USP54: variants seen among roughly 807,000 people sequenced by gnomAD.
USP54 encodes ubiquitin specific peptidase 54.
USP54 carries 87 observed loss-of-function variants against 170.5 expected under a neutral mutation model. The ratio of observed to expected loss-of-function variants is 0.51; its 90% CI spans 0.43 to 0.61. USP54 has a LOEUF of 0.61. Among genes scored for constraint, USP54 ranks in the 20% least tolerant of loss-of-function variants. USP54 has a pLI of 0.00. For synonymous variants in USP54, 655 were observed against 742.8 expected (o/e 0.88, Z 1.92); for missense variants, 1,786 against 2,047.8 (o/e 0.87, Z 2.47).
chr10:73,545,049 A>C (rs1488954296), intron 5 of USP54, among the ~76,000 whole-genome samples: 1 of 152,118 alleles, frequency 6.6e-6, no homozygotes, highest in East Asian at 1.9e-4. Context: ...AGTCTTTCGA[A>C]GGTTGATGTA....
chr10:73,614,909 G>A (rs1017167426), intron 1 of USP54, among the ~76,000 whole-genome samples: 2 of 150,142 alleles, frequency 1.3e-5, no homozygotes, highest in East Asian at 1.9e-4. Context: ...GCACATCAAC[G>A]GACACTACAG....
At chr10:73,580,984 T>C (rs1187252043) in intron 1 of USP54, among the ~76,000 whole-genome samples, 2 of 152,238 alleles carry the variant, frequency 1.3e-5, no homozygotes, top group East Asian at 1.9e-4. Context: ...TCTAGGTTTA[T>C]GCAAATACAC....
chr10:73,543,167 T>C, intron 5 of USP54, 36 bp from the exon 6 acceptor site: 2 of 1,408,016 alleles, frequency 1.4e-6, no homozygotes, highest in Non-Finnish European at 2.0e-6. Context: ...ATACCAACAA[T>C]ATTTAATAGA....
chr10:73,609,122 TG>T (rs1357106533), intron 1 of USP54, among the ~76,000 whole-genome samples: 3 of 152,214 alleles, frequency 2.0e-5, no homozygotes, highest in Non-Finnish European at 2.9e-5. Context: ...GTCTCCCTGG[TG>T]TTCCCCTAAC....
At chr10:73,533,662 T>C (rs1341856481) in intron 12 of USP54, among the ~76,000 whole-genome samples, 2 of 152,222 alleles carry the variant, frequency 1.3e-5, no homozygotes, top group South Asian at 2.1e-4. Context: ...TTAGGCATTC[T>C]ATCTCCCAGA....
rs536337010 is a variant in USP54 at position 73,602,321 on chromosome 10, G to A, written c.-18+23246C>T. ...TAATCCCAGCACTTTGGGAGGCCGA[G>A]GTGGGCAGATCACGAGGTCAGGAGA... On this transcript the variant is annotated intron_variant, in intron 1 of 22. Transcript: ENST00000339859. Among the ~76,000 whole-genome samples the A allele has an allele frequency of 8.5e-5, 13 of 152,206 alleles. No individual in the cohort carries two copies. The East Asian group carries it at 2.1e-3, about 25-fold the overall frequency.
intron 1 of USP54, among the ~76,000 whole-genome samples, chr10:73,597,670 C>T (rs561836642): frequency 5.0e-4 from 76 of 152,292 alleles, no homozygotes; most frequent in Non-Finnish European, 8.4e-4. Context: ...GTCTCCTGTG[C>T]GGCCAGCTCT....
At chr10:73,614,488 T>C (rs1476217060) in intron 1 of USP54, among the ~76,000 whole-genome samples, 1 of 132,314 alleles carries the variant, frequency 7.6e-6, no homozygotes, top group Non-Finnish European at 1.5e-5. Flanking sequence ...TGAACCCCAG[T>C]GGCGGATGTT....
chr10:73,512,023 G>C (rs567633125), intron 20 of USP54, among the ~76,000 whole-genome samples: 20 of 152,082 alleles, frequency 1.3e-4, no homozygotes, highest in Non-Finnish European at 2.8e-4. Flanking sequence ...TGGGATTACA[G>C]GCGTGAGCCA....
intron 22 of USP54, among the ~76,000 whole-genome samples, chr10:73,502,592 C>G (rs145982110): frequency 6.6e-6 from 1 of 152,212 alleles, no homozygotes. Context: ...GGATTACAGG[C>G]GTGAGCCACC....
chr10:73,571,612 T>A, intron 3 of USP54, 99 bp from the exon 4 acceptor site: 1 of 853,064 alleles, frequency 1.2e-6, no homozygotes, highest in South Asian at 1.9e-5. Flanking sequence ...CTGCAGAAGA[T>A]GTCTTTATTC....
Position 73,530,481 on chromosome 10 carries a change from T to C in USP54, c.1490A>G (p.Lys497Arg), listed in dbSNP as rs967311233. 1 of 1,612,554 alleles carries C rather than the reference T, an allele frequency of 6.2e-7. No individual in the cohort carries two copies. Among genetic ancestry groups the C allele is most frequent in the African/African-American group, 1.3e-5 (1 of 74,936 alleles). The part of the protein sequence containing the change: ...KEKQAPRNAS[K>R]PSSSTNRLRD... ...CAGCCTGTTGGTGCTGCTGGATGGT[T>C]TGGAGGCATTTCTAGGAGCCTGCTT... Residue 497 changes from lysine (K) to arginine (R), a missense_variant, in exon 14 of 24, where the codon AAA (lysine) becomes AGA (arginine). Lys to Arg is a conservative substitution (Grantham distance 26). Transcript: ENST00000687698.
chr10:73,505,358 C>G lies in USP54; in HGVS notation c.4120G>C (p.Ala1374Pro). 6.2e-7 allele frequency: 1 copy of G among 1,614,088 alleles called. No individual in the cohort carries two copies. Residue 1374 changes from alanine (A) to proline (P), a missense_variant, in exon 21 of 24, where the codon GCA (alanine) becomes CCA (proline). Physicochemically the swap from Ala to Pro is conservative, Grantham distance 27. Coordinates refer to ENST00000687698, the MANE Select transcript of USP54 (RefSeq NM_001391956.1). The stretch of plus-strand genomic sequence containing the variant: ...TCATGGAGACCATGCTCCATTTCTG[C>G]TGTTGAAGTCTTTGAGAGACCAGGA... ...HDPGLSKTST[A>P]EMEHGLHEAR...
At chr10:73,535,441 T>G (rs2065028732) in intron 11 of USP54, among the ~76,000 whole-genome samples, 1 of 151,964 alleles carries the variant, frequency 6.6e-6, no homozygotes, top group Non-Finnish European at 1.5e-5. Flanking sequence ...AAGAAAGACG[T>G]CAAAGTCAAG....
rs1030123971 is a variant in USP54 at position 73,520,107 on chromosome 10, C to A, written c.2483-115G>T. ...ATGCAGTAAAACTCAAAATATGTAG[C>A]AGGAACGCAAGGCATGGACCATGCA... On this transcript the variant is annotated intron_variant, in intron 18 of 23. Coordinates refer to ENST00000687698, the MANE Select transcript of USP54 (RefSeq NM_001391956.1). 3.5e-6 allele frequency: 5 copies of A among 1,430,346 alleles called. No individual in the cohort carries two copies. The Admixed American group carries it at 8.4e-5, about 24-fold the overall frequency. 88.6% of individuals were successfully genotyped at this position (1,430,346 alleles called of 1,614,324 possible).
chr10:73,610,010 CAAA>C (rs1190434140), intron 1 of USP54, among the ~76,000 whole-genome samples: 6 of 82,716 alleles, frequency 7.3e-5, no homozygotes, highest in Admixed American at 1.3e-4. Flanking sequence ...ACTCTGTCTC[CAAA>C]AAAAAAAAAA....
rs1366410692 is a variant in USP54, at chr10:73,617,762, T to A, written c.-18+7805A>T. Among the ~76,000 whole-genome samples the A allele has an allele frequency of 2.7e-5, 4 of 150,048 alleles. No individual in the cohort carries two copies. The East Asian group carries it at 7.8e-4, about 29-fold the overall frequency. ...GGGGTGAAAAAAACTTTTTTAAAAT[T>A]AGCTGGGCATGGTGGTGCACATCTG... On this transcript the variant is annotated intron_variant, in intron 1 of 22. Coordinates refer to the USP54 transcript ENST00000339859.
intron 4 of USP54, among the ~76,000 whole-genome samples, chr10:73,562,713 C>G (rs1292615895): frequency 2.0e-5 from 3 of 152,130 alleles, no homozygotes; most frequent in Non-Finnish European, 4.4e-5. Flanking sequence ...TGTGTTATTT[C>G]CATTTTTCTA....
At chr10:73,557,383 G>A (rs1052837100) in intron 4 of USP54, among the ~76,000 whole-genome samples, 10 of 151,472 alleles carry the variant, frequency 6.6e-5, no homozygotes, top group South Asian at 2.1e-4. Flanking sequence ...GCGCAGTGGC[G>A]CAATCTCGCT....
Sources: gnomAD v4.1 joint callset for allele counts (sites outside exome capture counted in the v4.1 genomes callset) on GRCh38, gnomAD v4.1.1 for gene constraint, MANE v1.5 for transcripts, NCBI Gene and HGNC (gene_info 2026-07-23, HGNC 2026-07-21) for gene names.